Variants in CDH18 observed in about 807,000 individuals in gnomAD.
The protein encoded by CDH18 is cadherin-18.
In CDH18, 31 loss-of-function variants were observed where a neutral mutation model predicts 67.9. The observed-to-expected ratio is 0.46, with a 90% CI of 0.34 to 0.62. The LOEUF (loss-of-function observed/expected upper bound fraction) is 0.62, where lower values mean the gene tolerates loss of function less well. CDH18 is among the 20% of genes least tolerant of loss of function. The pLI, the probability that CDH18 is intolerant of heterozygous loss-of-function variation, is 0.01. For synonymous variants in CDH18, 362 were observed against 347.2 expected (o/e 1.04, Z -0.48); for missense variants, 890 against 975.5 (o/e 0.91, Z 1.17).
chr5:20,132,465 C>T (rs1322144808), intron 2 of CDH18, among the ~76,000 whole-genome samples: 1 of 152,054 alleles, frequency 6.6e-6, no homozygotes, highest in African/African-American at 2.4e-5. Flanking sequence ...TAACTACAGT[C>T]TATAATTCTA....
At chr5:20,570,051 C>A (rs1477079145) in intron 1 of CDH18, among the ~76,000 whole-genome samples, 3 of 152,028 alleles carry the variant, frequency 2.0e-5, no homozygotes, top group Admixed American at 6.6e-5. Flanking sequence ...AGGTGGTGCA[C>A]AGGAGAATTG....
Position 20,237,290 on chromosome 5 carries a change from T to C in CDH18, c.-518+18154A>G, listed in dbSNP as rs201838823. On this transcript the variant is annotated intron_variant, in intron 2 of 14. Coordinates refer to the CDH18 transcript ENST00000507958. ...AAAAAGCGGGGTATATTTGCTCTCA[T>C]TAATTCATTCAATAGTGTACAGGGG... Among the ~76,000 whole-genome samples the C allele has an allele frequency of 6.5e-4, 99 of 152,022 alleles. 1 individual carries two copies. In the East Asian group the frequency reaches 0.013, roughly 20 times the overall value.
At chr5:20,212,751 C>A (rs1383718839) in intron 2 of CDH18, among the ~76,000 whole-genome samples, 1 of 151,718 alleles carries the variant, frequency 6.6e-6, no homozygotes, top group Non-Finnish European at 1.5e-5. Flanking sequence ...GCTAAAATTG[C>A]TAACTATCTT....
chr5:20,108,329 C>A (rs1354208845), intron 2 of CDH18, among the ~76,000 whole-genome samples: 2 of 151,992 alleles, frequency 1.3e-5, no homozygotes, highest in Admixed American at 6.6e-5. Context: ...TGAGCTCAGA[C>A]AATCCACCAA....
At chr5:20,548,655 C>T (rs1026143497) in intron 1 of CDH18, among the ~76,000 whole-genome samples, 1 of 152,102 alleles carries the variant, frequency 6.6e-6, no homozygotes, top group African/African-American at 2.4e-5. Flanking sequence ...AGGGAAAAAA[C>T]AAGTAATAAT....
At chr5:20,545,511 C>T (rs1757290903) in intron 1 of CDH18, among the ~76,000 whole-genome samples, 1 of 152,196 alleles carries the variant, frequency 6.6e-6, no homozygotes, top group African/African-American at 2.4e-5. Flanking sequence ...CATGTCTCTG[C>T]ACACCTACAA....
At chr5:20,167,051 A>G (rs1010828503) in intron 2 of CDH18, among the ~76,000 whole-genome samples, 1 of 152,188 alleles carries the variant, frequency 6.6e-6, no homozygotes, top group African/African-American at 2.4e-5. Context: ...ATGTTTTTAT[A>G]TTTGCTGTAA....
chr5:19,963,334 A>C (rs1452840106), intron 2 of CDH18, among the ~76,000 whole-genome samples: 1 of 152,068 alleles, frequency 6.6e-6, no homozygotes, highest in Admixed American at 6.5e-5. Flanking sequence ...CTGCTCTCAC[A>C]CTGCTATAAA....
intron 1 of CDH18, among the ~76,000 whole-genome samples, chr5:20,401,876 T>C (rs1745799961): frequency 6.6e-6 from 1 of 152,180 alleles, no homozygotes; most frequent in Non-Finnish European, 1.5e-5. Flanking sequence ...AATTATAAAT[T>C]ATGTCATATT....
At chr5:20,022,325 C>T (rs936928949) in intron 2 of CDH18, among the ~76,000 whole-genome samples, 6 of 152,102 alleles carry the variant, frequency 3.9e-5, no homozygotes, top group African/African-American at 1.4e-4. Flanking sequence ...ACCTAATTTG[C>T]CAATGTAAGG....
At position 19,859,992 on chromosome 5, in the gene CDH18, GT is replaced by G. The variant is rs1227631803; in HGVS notation, c.-256-20751del. 1.7e-3 allele frequency among the ~76,000 whole-genome samples: 254 copies of G among 148,058 alleles called. 1 individual carries two copies. Among genetic ancestry groups the G allele is most frequent in the African/African-American group, 6.1e-3 (243 of 40,140 alleles). On this transcript the variant is annotated intron_variant, in intron 2 of 12. Transcript: ENST00000382275. ...ATTAATTTACTTGTTTGCTTTGGGT[GT>G]GTGTGTGTGTGTGTGTGTGTGTGTG...
intron 1 of CDH18, among the ~76,000 whole-genome samples, chr5:20,505,381 G>A (rs1754597466): frequency 1.3e-5 from 2 of 151,850 alleles, no homozygotes; most frequent in Non-Finnish European, 2.9e-5. Flanking sequence ...AGATTAAGAT[G>A]GCATATATTT....
chr5:20,472,645 C>T (rs1440499239), intron 1 of CDH18, among the ~76,000 whole-genome samples: 2 of 152,222 alleles, frequency 1.3e-5, no homozygotes, highest in Non-Finnish European at 2.9e-5. Context: ...TTATATACCA[C>T]ATCTGCCTGG....
chr5:19,646,068 C>A (rs1315860059), intron 5 of CDH18, among the ~76,000 whole-genome samples: 1 of 151,820 alleles, frequency 6.6e-6, no homozygotes, highest in Non-Finnish European at 1.5e-5. Flanking sequence ...CCTAAGACAG[C>A]AGAAATAGAG....
chr5:19,890,804 A>G (rs1788713730), intron 2 of CDH18, among the ~76,000 whole-genome samples: 1 of 152,090 alleles, frequency 6.6e-6, no homozygotes, highest in South Asian at 2.1e-4. Context: ...CATGTTGGCC[A>G]GGCTGAACAT....
At chr5:19,502,042 C>A (rs573624950) in intron 11 of CDH18, among the ~76,000 whole-genome samples, 1 of 152,106 alleles carries the variant, frequency 6.6e-6, no homozygotes, top group Non-Finnish European at 1.5e-5. Flanking sequence ...TGGCTTTGTG[C>A]GCATTTTGAT....
chr5:20,311,879 T>C (rs1298346190), intron 1 of CDH18, among the ~76,000 whole-genome samples: 1 of 152,164 alleles, frequency 6.6e-6, no homozygotes, highest in African/African-American at 2.4e-5. Flanking sequence ...CAAAAAAGCC[T>C]TTCACCAGTC....
chr5:20,528,154 C>CA (rs1756181939), intron 1 of CDH18, among the ~76,000 whole-genome samples: 1 of 151,820 alleles, frequency 6.6e-6, no homozygotes, highest in Non-Finnish European at 1.5e-5. Context: ...ACAAATTTGT[C>CA]AAAAAAGACA....
intron 1 of CDH18, among the ~76,000 whole-genome samples, chr5:19,982,722 C>T (rs1170821987): frequency 6.6e-6 from 1 of 151,996 alleles, no homozygotes; most frequent in African/African-American, 2.4e-5. Flanking sequence ...ATAACTGTGT[C>T]AACATTGGTT....
Sources: gnomAD v4.1 joint callset for allele counts (sites outside exome capture counted in the v4.1 genomes callset) on GRCh38, gnomAD v4.1.1 for gene constraint, MANE v1.5 for transcripts, NCBI Gene and HGNC (gene_info 2026-07-23, HGNC 2026-07-21) for gene names.